Variants in STK32C observed in about 807,000 individuals in gnomAD.
STK32C encodes serine/threonine kinase 32C.
A neutral mutation model predicts 56.5 loss-of-function variants in STK32C; 31 were observed. The observed-to-expected ratio is 0.55, with a 90% CI of 0.41 to 0.74. STK32C has a LOEUF of 0.74. STK32C is among the 30% of genes least tolerant of loss of function. The pLI, the probability that STK32C is intolerant of heterozygous loss-of-function variation, is 0.00. For synonymous variants in STK32C, 309 were observed against 289.4 expected (o/e 1.07, Z -0.69); for missense variants, 544 against 676.9 (o/e 0.80, Z 2.18).
upstream of STK32C, among the ~76,000 whole-genome samples, chr10:132,312,147 T>A (rs533675615): frequency 1.6e-4 from 24 of 152,188 alleles, no homozygotes; most frequent in African/African-American, 5.8e-4. Flanking sequence ...GCTCGGACCA[T>A]AGATCCATGA....
chr10:132,266,646 AC>A (rs1474058627), intron 1 of STK32C, among the ~76,000 whole-genome samples: 2 of 151,552 alleles, frequency 1.3e-5, no homozygotes, highest in Non-Finnish European at 2.9e-5. Context: ...CTCCAGGACA[AC>A]CCCGAGCCCT....
chr10:132,230,702 C>T (rs1260676476), intron 2 of STK32C, among the ~76,000 whole-genome samples: 1 of 138,818 alleles, frequency 7.2e-6, no homozygotes, highest in Non-Finnish European at 1.5e-5. Flanking sequence ...GCTGCAGAGC[C>T]CACCTCTGCC....
chr10:132,246,741 A>C (rs990627194), intron 1 of STK32C, among the ~76,000 whole-genome samples: 1 of 152,182 alleles, frequency 6.6e-6, no homozygotes, highest in Admixed American at 6.5e-5. Flanking sequence ...TTGCCTTTCA[A>C]ACCCAGGACA....
At chr10:132,277,031 A>G (rs2065015226) in intron 1 of STK32C, among the ~76,000 whole-genome samples, 1 of 152,192 alleles carries the variant, frequency 6.6e-6, no homozygotes, top group African/African-American at 2.4e-5. Context: ...GGATGTGCTT[A>G]TTTTTGACCA....
chr10:132,224,270 C>T, intron 8 of STK32C, 137 bp downstream of exon 8: 1 of 681,338 alleles, frequency 1.5e-6, no homozygotes, highest in East Asian at 2.7e-5. Flanking sequence ...GAGGCCCCCA[C>T]AGGTTGCAGT....
chr10:132,239,968 G>A (rs552542842), intron 2 of STK32C, among the ~76,000 whole-genome samples: 14 of 152,324 alleles, frequency 9.2e-5, no homozygotes, highest in South Asian at 8.3e-4. Flanking sequence ...GTCAGCGTCC[G>A]CTGGCTGTGA....
chr10:132,320,937 T>C (rs1462958324), downstream of STK32C, among the ~76,000 whole-genome samples: 5 of 152,202 alleles, frequency 3.3e-5, no homozygotes, highest in African/African-American at 1.2e-4. Context: ...TATCTGTCCA[T>C]CTTATAATAA....
chr10:132,279,876 T>C (rs1381247870), intron 1 of STK32C, among the ~76,000 whole-genome samples: 23 of 132,274 alleles, frequency 1.7e-4, no homozygotes, highest in East Asian at 4.8e-4. Context: ...CACTCTGTGA[T>C]CACGCCACCT....
At chr10:132,224,814 G>A (rs1170887159) in intron 7 of STK32C, among the ~76,000 whole-genome samples, 2 of 152,136 alleles carry the variant, frequency 1.3e-5, no homozygotes, top group African/African-American at 4.8e-5. Context: ...TTCCTCAGAG[G>A]TGGGGTCCTG....
chr10:132,245,787 G>T (rs2137928796), intron 2 of STK32C, 113 bp downstream of exon 2: 1 of 1,081,546 alleles, frequency 9.2e-7, no homozygotes, highest in Non-Finnish European at 1.4e-6. Context: ...GCCCAGGTAA[G>T]GCTGCTTCTC....
intron 1 of STK32C, among the ~76,000 whole-genome samples, chr10:132,327,815 C>G (rs6560692): frequency 0.41 from 62,316 of 151,834 alleles, 13,138 homozygotes; most frequent in African/African-American, 0.47. Flanking sequence ...TTAAAAACCA[C>G]CAACACTTCA....
chr10:132,291,727 C>T (rs2065570388), intron 1 of STK32C, among the ~76,000 whole-genome samples: 1 of 152,096 alleles, frequency 6.6e-6, no homozygotes, highest in Non-Finnish European at 1.5e-5. Context: ...CGAGAGAGAA[C>T]CTTCAGGTCC....
chr10:132,328,676 A>T (rs1231248987), intron 1 of STK32C, among the ~76,000 whole-genome samples: 1 of 152,246 alleles, frequency 6.6e-6, no homozygotes, highest in Non-Finnish European at 1.5e-5. Context: ...CTTAAAAGTT[A>T]GAAGCAAGAT....
rs1045986661 is a variant in STK32C, at chr10:132,307,023, C to G, written c.262+549G>C. ...TATCTACAGGACTCAGCAGCGCACT[C>G]GTTCCTGGCAGGGCAGGTCTTTGCA... is the stretch of plus-strand genomic sequence containing the variant. On this transcript the variant is annotated intron_variant, in intron 1 of 11. Transcript: ENST00000298630. The surrounding 1 kb of genome is among the most constrained non-coding windows in gnomAD (Gnocchi z 4.4). 1 of 152,350 alleles carries G rather than the reference C, an allele frequency of 6.6e-6. No homozygotes were observed. The highest frequency in any genetic ancestry group is 6.5e-5 in the Admixed American group (1 of 15,286). The allele number at this position is 152,350 out of a possible 1,614,324, so 9.4% of individuals were successfully genotyped here.
chr10:132,315,598 G>A (rs1486473495), intron 1 of STK32C, among the ~76,000 whole-genome samples: 2 of 152,136 alleles, frequency 1.3e-5, no homozygotes, highest in African/African-American at 4.8e-5. Flanking sequence ...GAGAAAAATA[G>A]ACAAACGCAC....
chr10:132,330,971 G>T (rs930798497), intron 1 of STK32C, among the ~76,000 whole-genome samples: 1 of 151,270 alleles, frequency 6.6e-6, no homozygotes, highest in Non-Finnish European at 1.5e-5. Flanking sequence ...GGGAGGCCGA[G>T]GGGGGCGGAT....
chr10:132,266,398 G>C (rs1220928441), intron 1 of STK32C, among the ~76,000 whole-genome samples: 1 of 152,264 alleles, frequency 6.6e-6, no homozygotes, highest in East Asian at 1.9e-4. Context: ...GGGGGGTCTT[G>C]GTTACACAGG....
intron 1 of STK32C, among the ~76,000 whole-genome samples, chr10:132,248,330 G>A (rs2063762565): frequency 6.6e-6 from 1 of 152,240 alleles, no homozygotes; most frequent in African/African-American, 2.4e-5. Context: ...ATGCCATCCA[G>A]CAGCAACCCC....
At chr10:132,320,796 G>A (rs2066392416), downstream of STK32C, among the ~76,000 whole-genome samples, 1 of 152,168 alleles carries the variant, frequency 6.6e-6, no homozygotes, top group South Asian at 2.1e-4. Flanking sequence ...CTCAGAATGT[G>A]ACTATATTTG....
Sources: gnomAD v4.1 joint callset for allele counts (sites outside exome capture counted in the v4.1 genomes callset) on GRCh38, gnomAD v4.1.1 for gene constraint, Gnocchi (gnomAD v3.1) non-coding constraint, MANE v1.5 for transcripts, NCBI Gene and HGNC (gene_info 2026-07-23, HGNC 2026-07-21) for gene names.